The following STOM variants were observed in gnomAD, a reference collection of about 807,000 sequenced individuals.
The protein encoded by STOM is stomatin.
A neutral mutation model predicts 30.6 loss-of-function variants in STOM; 25 were observed. The ratio of observed to expected loss-of-function variants is 0.82; its 90% CI spans 0.60 to 1.14. The LOEUF (loss-of-function observed/expected upper bound fraction) is 1.14, where lower values mean the gene tolerates loss of function less well. Among genes scored for constraint, STOM ranks in the 50% most tolerant of loss-of-function variants. The probability of loss-of-function intolerance (pLI) is 0.00; values close to 1 mark genes in which losing one functional copy is unlikely to be tolerated. For synonymous variants in STOM, 118 were observed against 130.8 expected (o/e 0.90, Z 0.67); for missense variants, 292 against 365.2 (o/e 0.80, Z 1.63).
At chr9:121,366,245 T>A in intron 1 of STOM, 1 of 985,432 alleles carries the variant, frequency 1.0e-6, no homozygotes, top group Non-Finnish European at 1.2e-6. Flanking sequence ...AGTTCAAGTT[T>A]CTTTAGTAGT....
At chr9:121,366,638 A>C (rs1350448918) in intron 1 of STOM, among the ~76,000 whole-genome samples, 1 of 152,248 alleles carries the variant, frequency 6.6e-6, no homozygotes, top group East Asian at 1.9e-4. Context: ...CTCCACCAAC[A>C]TAAGGCTAAG....
chr9:121,355,699 GT>G (rs2064382220), intron 2 of STOM, among the ~76,000 whole-genome samples: 1 of 152,152 alleles, frequency 6.6e-6, no homozygotes, highest in Non-Finnish European at 1.5e-5. Context: ...CATTTTACAG[GT>G]GAGGAAACAG....
intron 1 of STOM, among the ~76,000 whole-genome samples, chr9:121,359,251 T>A (rs1193997469): frequency 2.0e-5 from 3 of 152,068 alleles, no homozygotes; most frequent in African/African-American, 7.2e-5. Flanking sequence ...GCTGGGAACA[T>A]GGGAGAAGAG....
In STOM at chr9:121,340,505, G is replaced by A; in HGVS notation, c.*697C>T. ...TAATCCCAGCACTTTGGGAGGCAGA[G>A]GTGGGTGGATCACCTGAGGTTAGGA... On this transcript the variant is annotated 3_prime_UTR_variant, in exon 7 of 7. Transcript: ENST00000286713. 1 of 959,092 alleles carries A rather than the reference G, an allele frequency of 1.0e-6. No homozygotes were observed. Among genetic ancestry groups the A allele is most frequent in the Non-Finnish European group, 1.2e-6 (1 of 806,022 alleles). 59.4% of individuals were successfully genotyped at this position (959,092 alleles called of 1,614,324 possible). A position where few individuals can be genotyped will look rare whatever the true frequency, so the allele number is the denominator to read the frequency against.
chr9:121,358,600 G>A (rs899391191), intron 1 of STOM, among the ~76,000 whole-genome samples: 1 of 152,120 alleles, frequency 6.6e-6, no homozygotes, highest in African/African-American at 2.4e-5. Context: ...CTTATACCCA[G>A]CTTTCCAATA....
In STOM at chr9:121,340,687, T is replaced by C. The variant is rs1589284202; in HGVS notation, c.*515A>G. 1.9e-5 allele frequency: 17 copies of C among 911,454 alleles called. No individual in the cohort carries two copies. The highest frequency in any genetic ancestry group is 2.1e-5 in the Non-Finnish European group (16 of 762,854). The allele number at this position is 911,454 out of a possible 1,614,324, so 56.5% of individuals were successfully genotyped here. ...ATCTCTTGAACCCAGGAGGCGGAGG[T>C]TGCAGTGAGCCGAGATCATGCTATT... On this transcript the variant is annotated 3_prime_UTR_variant, in exon 7 of 7. Coordinates refer to ENST00000286713, the MANE Select transcript of STOM (RefSeq NM_004099.6).
chr9:121,352,922 G>A (rs1264490093), intron 4 of STOM, among the ~76,000 whole-genome samples: 2 of 151,838 alleles, frequency 1.3e-5, no homozygotes, highest in African/African-American at 4.8e-5. Context: ...AAAATCCCGT[G>A]TCTACTAAAA....
intron 4 of STOM, among the ~76,000 whole-genome samples, chr9:121,352,345 T>A (rs1213529330): frequency 1.3e-5 from 2 of 152,240 alleles, no homozygotes; most frequent in African/African-American, 2.4e-5. Flanking sequence ...TTTTGATCCA[T>A]GGAGCCAACC....
Position 121,341,280 on chromosome 9 carries a change from T to G in STOM, c.789A>C (p.Lys263Asn). 1 of 1,614,158 alleles carries G rather than the reference T, an allele frequency of 6.2e-7. No individual in the cohort carries two copies. Among genetic ancestry groups the G allele is most frequent in the Non-Finnish European group, 8.5e-7 (1 of 1,180,008 alleles). The change falls in exon 7 of 7, where the codon AAA (lysine) becomes AAC (asparagine). Residue 263 changes from lysine (K) to asparagine (N), a missense_variant. Physicochemically the swap from Lys to Asn is moderately conservative, Grantham distance 94 (BLOSUM62 0). Transcript: ENST00000286713. ...LQTLTTIAAE[K>N]NSTIVFPLPI... is the part of the protein sequence containing the mutation. ...GCAGAGGGAAGACAATTGTTGAGTT[T>G]TTCTCAGCAGCAATGGTGGTCAGTG...
At position 121,350,282 on chromosome 9, in the gene STOM, G is replaced by T. The variant is rs7041206; in HGVS notation, c.322-959C>A. ...CTCTCTCACTAACAACATCAGGCTG[G>T]CACCTTTCTACTGATCATTTAAATG... On this transcript the variant is annotated intron_variant, in intron 4 of 6. Transcript: ENST00000286713. 3.5e-3 allele frequency among the ~76,000 whole-genome samples: 530 copies of T among 152,298 alleles called. 2 individuals are homozygous for T. The highest frequency in any genetic ancestry group is 0.012 in the African/African-American group (492 of 41,564).
At chr9:121,364,614 T>A (rs533676212) in intron 1 of STOM, among the ~76,000 whole-genome samples, 5 of 152,208 alleles carry the variant, frequency 3.3e-5, no homozygotes, top group Non-Finnish European at 7.4e-5. Flanking sequence ...TAACAGTTAT[T>A]CTTTGCTTAG....
intron 1 of STOM, among the ~76,000 whole-genome samples, chr9:121,358,151 A>AT (rs1315697065): frequency 2.7e-5 from 4 of 145,970 alleles, no homozygotes; most frequent in Middle Eastern, 3.6e-3. Flanking sequence ...AAAAAAAAAA[A>AT]AAATAATAAT....
chr9:121,350,309 C>T (rs2064328202), intron 4 of STOM, among the ~76,000 whole-genome samples: 1 of 152,220 alleles, frequency 6.6e-6, no homozygotes, highest in Admixed American at 6.5e-5. Context: ...ATTTAAATGT[C>T]CTTCTCTCTG....
intron 1 of STOM, among the ~76,000 whole-genome samples, chr9:121,357,926 A>G (rs1448195781): frequency 6.6e-6 from 1 of 151,968 alleles, no homozygotes; most frequent in Non-Finnish European, 1.5e-5. Context: ...GGGCATTCCC[A>G]TGCTCACCTC....
At chr9:121,369,259 C>A (rs2064537245) in intron 1 of STOM, among the ~76,000 whole-genome samples, 1 of 152,192 alleles carries the variant, frequency 6.6e-6, no homozygotes, top group African/African-American at 2.4e-5. Flanking sequence ...GACCACCCAG[C>A]CCTCTAAATT....
At chr9:121,370,099 G>A in intron 1 of STOM, 28 bp downstream of exon 1, 2 of 1,531,948 alleles carry the variant, frequency 1.3e-6, no homozygotes, top group Non-Finnish European at 1.8e-6. Flanking sequence ...TCGGTCCACG[G>A]GGGAGGGTCA....
At position 121,370,239 on chromosome 9, in the gene STOM, C is replaced by A; in HGVS notation, c.-52G>T. On this transcript the variant is annotated 5_prime_UTR_variant, in exon 1 of 7. Coordinates refer to ENST00000286713, the MANE Select transcript of STOM (RefSeq NM_004099.6). ...CCGTCCTCGTTGCCAAACCCGGAGC[C>A]GCCGGGAATGCCCTGAGGAGCCAGA... 32 of 1,525,354 alleles carry A rather than the reference C, an allele frequency of 2.1e-5. No homozygotes were observed. Among genetic ancestry groups the A allele is most frequent in the Non-Finnish European group, 2.7e-5 (31 of 1,131,624 alleles). 94.5% of individuals were successfully genotyped at this position (1,525,354 alleles called of 1,614,324 possible).
chr9:121,352,779 G>T (rs1235356344), intron 4 of STOM, among the ~76,000 whole-genome samples: 1 of 152,174 alleles, frequency 6.6e-6, no homozygotes, highest in African/African-American at 2.4e-5. Flanking sequence ...AGCTAGAAAT[G>T]CTGAAGGCAG....
chr9:121,359,232 A>C (rs2064426601), intron 1 of STOM, among the ~76,000 whole-genome samples: 1 of 152,198 alleles, frequency 6.6e-6, no homozygotes, highest in South Asian at 2.1e-4. Flanking sequence ...AAATAAGCAG[A>C]GTGTTCAGGC....
Sources: gnomAD v4.1 joint callset for allele counts (sites outside exome capture counted in the v4.1 genomes callset) on GRCh38, gnomAD v4.1.1 for gene constraint, MANE v1.5 for transcripts, NCBI Gene and HGNC (gene_info 2026-07-23, HGNC 2026-07-21) for gene names.